SGCZ: variants seen among roughly 807,000 people sequenced by gnomAD.
The protein encoded by SGCZ is sarcoglycan zeta.
In SGCZ, 40 loss-of-function variants were observed where a neutral mutation model predicts 41.3. The observed-to-expected ratio is 0.97, with a 90% CI of 0.75 to 1.26. The LOEUF (loss-of-function observed/expected upper bound fraction) is 1.26, where lower values mean the gene tolerates loss of function less well. Ranked by LOEUF, SGCZ falls within the 50% of genes most tolerant of loss-of-function variation. The pLI is 0.00. For missense variants in SGCZ, 552 were observed against 369.8 expected (o/e 1.49, Z -4.04); for synonymous variants, 206 against 137.5 (o/e 1.50, Z -3.49).
At chr8:14,586,045 C>T (rs954299828) in intron 1 of SGCZ, among the ~76,000 whole-genome samples, 1 of 152,024 alleles carries the variant, frequency 6.6e-6, no homozygotes, top group African/African-American at 2.4e-5. Context: ...AACAAAACGT[C>T]CAGCAATACT....
intron 1 of SGCZ, among the ~76,000 whole-genome samples, chr8:14,785,514 T>A (rs1228782742): frequency 6.6e-6 from 1 of 152,114 alleles, no homozygotes; most frequent in Non-Finnish European, 1.5e-5. Context: ...ATAGTCAATA[T>A]AGTTGCTCTT....
At chr8:14,374,825 T>A (rs1341508268) in intron 2 of SGCZ, among the ~76,000 whole-genome samples, 1 of 149,268 alleles carries the variant, frequency 6.7e-6, no homozygotes, top group Non-Finnish European at 1.5e-5. Flanking sequence ...GGAAAAACAT[T>A]ATGGAGTCCT....
chr8:14,593,941 G>A (rs1204915380), intron 1 of SGCZ, among the ~76,000 whole-genome samples: 1 of 151,998 alleles, frequency 6.6e-6, no homozygotes, highest in Non-Finnish European at 1.5e-5. Flanking sequence ...TTGGGAGGCC[G>A]AGATTGGTGG....
At chr8:15,038,106 T>C (rs1010769468) in intron 1 of SGCZ, among the ~76,000 whole-genome samples, 3 of 149,166 alleles carry the variant, frequency 2.0e-5, no homozygotes, top group Non-Finnish European at 4.5e-5. Flanking sequence ...TAAAAAAAAA[T>C]CTAAAATTTA....
At chr8:14,486,683 G>C (rs1801685817) in intron 2 of SGCZ, among the ~76,000 whole-genome samples, 1 of 152,104 alleles carries the variant, frequency 6.6e-6, no homozygotes, top group South Asian at 2.1e-4. Context: ...AAGCAATGCT[G>C]CGCCTCAGCC....
chr8:14,723,650 C>T (rs753725327), intron 1 of SGCZ, among the ~76,000 whole-genome samples: 1 of 151,600 alleles, frequency 6.6e-6, no homozygotes, highest in African/African-American at 2.4e-5. Flanking sequence ...GCATAGAACA[C>T]ATGAAATTTA....
intron 1 of SGCZ, among the ~76,000 whole-genome samples, chr8:15,098,426 C>T (rs1248332359): frequency 2.0e-5 from 3 of 152,236 alleles, no homozygotes; most frequent in East Asian, 1.9e-4. Flanking sequence ...TTTTGACCCG[C>T]CTAGTATCAC....
chr8:14,737,172 ATATCATAC>A (rs1799064132), intron 1 of SGCZ, among the ~76,000 whole-genome samples: 1 of 141,946 alleles, frequency 7.0e-6, no homozygotes, highest in South Asian at 2.3e-4. Flanking sequence ...CCAGATATAT[ATATCATAC>A]ATATATATAT....
chr8:14,561,887 T>G (rs1804217481), intron 1 of SGCZ, among the ~76,000 whole-genome samples: 1 of 152,166 alleles, frequency 6.6e-6, no homozygotes, highest in Admixed American at 6.5e-5. Flanking sequence ...CAAATAGAAT[T>G]ACATGTCAAT....
At chr8:14,632,350 A>T (rs751727795) in intron 1 of SGCZ, among the ~76,000 whole-genome samples, 44 of 152,058 alleles carry the variant, frequency 2.9e-4, no homozygotes, top group Non-Finnish European at 6.2e-4. Flanking sequence ...CTAGTGCATT[A>T]TCTACCATTA....
intron 1 of SGCZ, among the ~76,000 whole-genome samples, chr8:14,580,750 G>A (rs1163820858): frequency 6.6e-6 from 1 of 152,136 alleles, no homozygotes; most frequent in African/African-American, 2.4e-5. Context: ...CAAGCTGTAA[G>A]AACTGTTTAG....
intron 2 of SGCZ, among the ~76,000 whole-genome samples, chr8:14,346,254 T>A (rs897049906): frequency 3.3e-5 from 5 of 152,018 alleles, no homozygotes; most frequent in Non-Finnish European, 5.9e-5. Context: ...CCTGTAAACC[T>A]AAAACTCCTC....
rs146275711 is a variant in SGCZ, at chr8:14,348,495, G to A, written c.235-24291C>T. 2.3e-4 allele frequency among the ~76,000 whole-genome samples: 35 copies of A among 152,048 alleles called. No homozygotes were observed. The East Asian group carries it at 5.0e-3, about 22-fold the overall frequency. On this transcript the variant is annotated intron_variant, in intron 2 of 7. Transcript: ENST00000382080. ...CAGTATATTTGAGTCATATATATTCGTTCGTCTCTAATCCCATAGATTGAA... is the reference window on the plus strand; with the variant it reads ...CAGTATATTTGAGTCATATATATTCATTCGTCTCTAATCCCATAGATTGAA...
intron 1 of SGCZ, among the ~76,000 whole-genome samples, chr8:14,951,711 C>A (rs555080094): frequency 1.3e-5 from 2 of 152,020 alleles, no homozygotes; most frequent in South Asian, 4.2e-4. Flanking sequence ...TAGCAATACC[C>A]CAAATTTACA....
chr8:14,730,864 G>A (rs969886077), intron 1 of SGCZ, among the ~76,000 whole-genome samples: 5 of 151,710 alleles, frequency 3.3e-5, no homozygotes, highest in Admixed American at 1.3e-4. Flanking sequence ...TTAGAATGGC[G>A]ATCAATAAAA....
rs562931909 is a variant in SGCZ at position 14,582,878 on chromosome 8, T to G, written c.40-27952A>C. Among the ~76,000 whole-genome samples the G allele has an allele frequency of 5.2e-3, 796 of 151,664 alleles. 3 individuals carry two copies. The highest frequency in any genetic ancestry group is 0.018 in the African/African-American group (756 of 41,184). ...GCTGCATAGTATTCCATGGTGTATA[T>G]GTGCCACATTTTCTTAATCCAGTCT... On this transcript the variant is annotated intron_variant, in intron 1 of 7. Coordinates refer to ENST00000382080, the MANE Select transcript of SGCZ (RefSeq NM_139167.4).
intron 1 of SGCZ, among the ~76,000 whole-genome samples, chr8:15,101,797 G>C (rs541852027): frequency 1.3e-5 from 2 of 152,314 alleles, no homozygotes; most frequent in African/African-American, 2.4e-5. Context: ...GGGCATGGTC[G>C]TGCACACCTG....
At chr8:15,227,326 T>C (rs1037816617) in intron 1 of SGCZ, among the ~76,000 whole-genome samples, 22 of 152,288 alleles carry the variant, frequency 1.4e-4, no homozygotes, top group African/African-American at 5.1e-4. Flanking sequence ...GAGTGGAAGA[T>C]CAAATAGGTA....
intron 2 of SGCZ, among the ~76,000 whole-genome samples, chr8:14,498,367 G>T (rs192666042): frequency 6.6e-6 from 1 of 152,150 alleles, no homozygotes; most frequent in Admixed American, 6.5e-5. Context: ...TTCAGACTTA[G>T]AATTCTGATA....
Sources: gnomAD v4.1 joint callset for allele counts (sites outside exome capture counted in the v4.1 genomes callset) on GRCh38, gnomAD v4.1.1 for gene constraint, MANE v1.5 for transcripts, NCBI Gene and HGNC (gene_info 2026-07-23, HGNC 2026-07-21) for gene names.